Variants in NBDY observed in about 807,000 individuals in gnomAD.
The protein encoded by NBDY is negative regulator of P-body association.
intron 2 of NBDY, among the ~76,000 whole-genome samples, chrX:56,794,414 A>T (rs1464363753): frequency 9.0e-6 from 1 of 111,565 alleles, no homozygotes; most frequent in East Asian, 2.8e-4. Flanking sequence ...AAAAAAACAA[A>T]AGCAAAGAAA....
intron 2 of NBDY, among the ~76,000 whole-genome samples, chrX:56,755,456 C>T (rs1286760280): frequency 8.9e-6 from 1 of 112,110 alleles, no homozygotes; most frequent in African/African-American, 3.2e-5. Context: ...AAAAAACAAA[C>T]AACCCCATCA....
intron 2 of NBDY, among the ~76,000 whole-genome samples, chrX:56,787,115 AGG>A (rs2069733520): frequency 1.8e-5 from 2 of 111,280 alleles, no homozygotes; most frequent in African/African-American, 6.6e-5. Flanking sequence ...CAGTGTGTGC[AGG>A]CAGGGTGTCT....
At chrX:56,753,139 G>T (rs1274202100) in intron 2 of NBDY, among the ~76,000 whole-genome samples, 2 of 112,399 alleles carry the variant, frequency 1.8e-5, no homozygotes, top group South Asian at 3.6e-4. Flanking sequence ...AACACTTGCT[G>T]TGTTAGGCAC....
intron 2 of NBDY, among the ~76,000 whole-genome samples, chrX:56,747,149 A>G (rs186163481): frequency 3.7e-3 from 411 of 112,073 alleles, no homozygotes; most frequent in African/African-American, 0.012. Context: ...CAACCAACAC[A>G]AATATTAAAG....
intron 2 of NBDY, among the ~76,000 whole-genome samples, chrX:56,812,316 C>T (rs951038148): frequency 2.7e-5 from 3 of 110,277 alleles, no homozygotes; most frequent in South Asian, 4.0e-4. Flanking sequence ...GCTTACTTTT[C>T]CTAAGAAAAT....
intron 2 of NBDY, among the ~76,000 whole-genome samples, chrX:56,815,868 A>C (rs1021673602): frequency 8.9e-6 from 1 of 111,944 alleles, no homozygotes; most frequent in African/African-American, 3.2e-5. Context: ...AAAAATTATT[A>C]GGCATTTATT....
intron 2 of NBDY, among the ~76,000 whole-genome samples, chrX:56,804,586 G>T (rs2069840256): frequency 8.9e-6 from 1 of 112,607 alleles, no homozygotes; most frequent in South Asian, 3.7e-4. Flanking sequence ...GGCCTCCTCT[G>T]TGTTCCTGTG....
chrX:56,799,971 A>T (rs2069813826), intron 2 of NBDY, among the ~76,000 whole-genome samples: 1 of 108,216 alleles, frequency 9.2e-6, no homozygotes, highest in Non-Finnish European at 1.9e-5. Flanking sequence ...GTGGATTTGT[A>T]GCACCGGGGG....
In NBDY at chrX:56,817,907, G is replaced by GT. The variant is rs749061163; in HGVS notation, c.*760dup. On this transcript the variant is annotated 3_prime_UTR_variant, in exon 3 of 3. Coordinates refer to ENST00000374922, the MANE Select transcript of NBDY (RefSeq NM_001348129.2). Reference sequence around the variant, plus strand: ...TCTGACTGAAATGGTTGATGTGCTTGTTTTTTGTAATTTTCTACTTTCCTT... The same window carrying GT: ...TCTGACTGAAATGGTTGATGTGCTTGTTTTTTTGTAATTTTCTACTTTCCTT... 19 of 111,123 alleles carry GT rather than the reference G, an allele frequency of 1.7e-4. No homozygotes were observed. The highest frequency in any genetic ancestry group is 2.8e-4 in the Non-Finnish European group (15 of 52,950). The allele number at this position is 111,123 out of a possible 1,213,427, so 9.2% of individuals were successfully genotyped here.
At chrX:56,750,347 T>G (rs1351920517) in intron 2 of NBDY, among the ~76,000 whole-genome samples, 1 of 111,657 alleles carries the variant, frequency 9.0e-6, no homozygotes, top group Non-Finnish European at 1.9e-5. Flanking sequence ...TGGCCATTGT[T>G]TCTAACTATT....
chrX:56,764,702 C>CAAAAAAAAAAAAAAA (rs10623590), intron 2 of NBDY, among the ~76,000 whole-genome samples: 2 of 60,798 alleles, frequency 3.3e-5, no homozygotes, highest in Admixed American at 2.2e-4. Context: ...AAACAAACAC[C>CAAAAAAAAAAAAAAA]AAAAAAAAAA....
In NBDY at chrX:56,760,755, C is replaced by A. The variant is rs772960061; in HGVS notation, c.*166+28556C>A. ...CAAACCGGCCAAAGAGCACCCACCT[C>A]ATCTTCAGCATTGCTCCTCACCTAC... On this transcript the variant is annotated intron_variant, in intron 2 of 2. Coordinates refer to ENST00000374922, the MANE Select transcript of NBDY (RefSeq NM_001348129.2). Among the ~76,000 whole-genome samples the A allele has an allele frequency of 2.7e-5, 3 of 112,397 alleles. No homozygotes were observed. The South Asian group carries it at 1.1e-3, about 41-fold the overall frequency.
At chrX:56,742,537 A>T (rs978197501) in intron 2 of NBDY, among the ~76,000 whole-genome samples, 1 of 110,888 alleles carries the variant, frequency 9.0e-6, no homozygotes, top group Non-Finnish European at 1.9e-5. Context: ...TATTAAAGAG[A>T]TCTCCCACTT....
chrX:56,784,480 A>T (rs1000411381), intron 2 of NBDY, among the ~76,000 whole-genome samples: 2 of 111,682 alleles, frequency 1.8e-5, no homozygotes, highest in Admixed American at 9.4e-5. Context: ...GCCACTTGTT[A>T]TGTCTGACTG....
intron 2 of NBDY, among the ~76,000 whole-genome samples, chrX:56,800,865 C>T (rs1020811774): frequency 1.8e-5 from 2 of 110,818 alleles, no homozygotes; most frequent in Non-Finnish European, 3.8e-5. Context: ...AGCAGCATCC[C>T]CCTCCCCTAT....
At chrX:56,796,339 T>C (rs1017389077) in intron 2 of NBDY, among the ~76,000 whole-genome samples, 5 of 112,165 alleles carry the variant, frequency 4.5e-5, no homozygotes, top group Admixed American at 9.3e-5. Flanking sequence ...TGCATTCCAG[T>C]TCACTCTCAA....
intron 2 of NBDY, among the ~76,000 whole-genome samples, chrX:56,806,078 T>G (rs2069848189): frequency 1.8e-5 from 2 of 111,469 alleles, no homozygotes; most frequent in South Asian, 7.7e-4. Context: ...GTGTTTGGTT[T>G]TCTGTTCTTC....
At chrX:56,782,594 T>C (rs1293896747) in intron 2 of NBDY, among the ~76,000 whole-genome samples, 2 of 112,248 alleles carry the variant, frequency 1.8e-5, no homozygotes. Flanking sequence ...AAGTGAAATG[T>C]CATGGTGAAC....
intron 2 of NBDY, among the ~76,000 whole-genome samples, chrX:56,744,294 A>G (rs1415911938): frequency 9.0e-6 from 1 of 111,713 alleles, no homozygotes; most frequent in East Asian, 2.8e-4. Context: ...AAAAGAATGT[A>G]TATTCTGCAG....
Sources: gnomAD v4.1 joint callset for allele counts (sites outside exome capture counted in the v4.1 genomes callset) on GRCh38, gnomAD v4.1.1 for gene constraint, MANE v1.5 for transcripts, NCBI Gene and HGNC (gene_info 2026-07-23, HGNC 2026-07-21) for gene names.